Variants in CSMD1 observed in about 807,000 individuals in gnomAD.
The protein encoded by CSMD1 is CUB and Sushi multiple domains 1.
CSMD1 carries 213 observed loss-of-function variants against 417.5 expected under a neutral mutation model. The observed-to-expected ratio is 0.51, with a 90% CI of 0.46 to 0.57. The LOEUF (loss-of-function observed/expected upper bound fraction) is 0.57, where lower values mean the gene tolerates loss of function less well. Ranked by LOEUF, CSMD1 falls within the 20% of genes least tolerant of loss-of-function variation. The pLI, the probability that CSMD1 is intolerant of heterozygous loss-of-function variation, is 0.00. For missense variants in CSMD1, 6,923 were observed against 4,529.7 expected (o/e 1.53, Z -15.17); for synonymous variants, 2,862 against 1,736.8 (o/e 1.65, Z -16.11).
At chr8:4,778,174 T>G (rs1796966131) in intron 1 of CSMD1, among the ~76,000 whole-genome samples, 1 of 152,174 alleles carries the variant, frequency 6.6e-6, no homozygotes, top group East Asian at 1.9e-4. Flanking sequence ...AAATATGTCA[T>G]AAAATTTTCC....
chr8:4,478,385 G>C (rs1268170873), intron 2 of CSMD1, among the ~76,000 whole-genome samples: 1 of 152,068 alleles, frequency 6.6e-6, no homozygotes, highest in Non-Finnish European at 1.5e-5. Flanking sequence ...AAACACACAA[G>C]TCCAAAGTAT....
At chr8:3,923,063 G>C (rs1281777329) in intron 5 of CSMD1, among the ~76,000 whole-genome samples, 1 of 152,106 alleles carries the variant, frequency 6.6e-6, no homozygotes, top group Non-Finnish European at 1.5e-5. Context: ...TGACCCTTTT[G>C]TGTTCCTGGA....
chr8:3,211,865 C>T (rs1797629409), intron 30 of CSMD1, among the ~76,000 whole-genome samples: 2 of 152,228 alleles, frequency 1.3e-5, no homozygotes, highest in Non-Finnish European at 2.9e-5. Flanking sequence ...CACTGGCATG[C>T]ACTGCCCAGG....
intron 57 of CSMD1, among the ~76,000 whole-genome samples, chr8:2,972,334 TCATA>T (rs1804531281): frequency 6.6e-6 from 1 of 152,218 alleles, no homozygotes; most frequent in Non-Finnish European, 1.5e-5. Context: ...GGAAAGTGTT[TCATA>T]CATACAACAA....
At chr8:4,356,004 C>T (rs1036361429) in intron 3 of CSMD1, among the ~76,000 whole-genome samples, 2 of 152,026 alleles carry the variant, frequency 1.3e-5, no homozygotes, top group Admixed American at 1.3e-4. Flanking sequence ...GTACATGTGG[C>T]ATTTGGTTAC....
At chr8:4,964,316 C>G (rs368687212) in intron 1 of CSMD1, among the ~76,000 whole-genome samples, 19 of 151,638 alleles carry the variant, frequency 1.3e-4, no homozygotes, top group African/African-American at 4.4e-4. Flanking sequence ...AAGTTCAACA[C>G]CAGCAGGGCA....
chr8:4,774,318 T>C (rs994043727), intron 1 of CSMD1, among the ~76,000 whole-genome samples: 1 of 152,164 alleles, frequency 6.6e-6, no homozygotes, highest in East Asian at 1.9e-4. Context: ...GTTATAGTAA[T>C]TGAGGGCAGG....
At chr8:4,403,864 T>C (rs1251660005) in intron 3 of CSMD1, among the ~76,000 whole-genome samples, 1 of 152,106 alleles carries the variant, frequency 6.6e-6, no homozygotes, top group Non-Finnish European at 1.5e-5. Flanking sequence ...TACATTTAAC[T>C]TGCCTAAAAA....
intron 3 of CSMD1, among the ~76,000 whole-genome samples, chr8:4,396,056 G>C (rs989103749): frequency 2.0e-5 from 3 of 152,082 alleles, no homozygotes; most frequent in Admixed American, 6.6e-5. Flanking sequence ...TATAATGTTG[G>C]CATGCATCAC....
At chr8:4,483,258 G>A (rs542380493) in intron 2 of CSMD1, among the ~76,000 whole-genome samples, 2 of 152,144 alleles carry the variant, frequency 1.3e-5, no homozygotes, top group Non-Finnish European at 2.9e-5. Context: ...GGCCTCCCCA[G>A]CCATGTGGAA....
chr8:4,908,023 ACTTTT>A (rs139428413), intron 1 of CSMD1, among the ~76,000 whole-genome samples: 2,199 of 152,246 alleles, frequency 0.014, 57 homozygotes, highest in African/African-American at 0.051. Context: ...TAAAATAATT[ACTTTT>A]CTTCTGTGGA....
intron 54 of CSMD1, among the ~76,000 whole-genome samples, chr8:2,981,952 T>A (rs1190345594): frequency 5.9e-5 from 9 of 152,148 alleles, no homozygotes; most frequent in Admixed American, 5.9e-4. Flanking sequence ...CAGCTGGAAA[T>A]CTTAGCCCTC....
intron 26 of CSMD1, among the ~76,000 whole-genome samples, chr8:3,231,967 ACT>A (rs1022637043): frequency 2.0e-5 from 3 of 152,070 alleles, no homozygotes; most frequent in Admixed American, 6.5e-5. Context: ...TGTCTTCACC[ACT>A]CTCTTTCTCT....
chr8:4,948,542 A>G (rs1477397772), intron 1 of CSMD1, among the ~76,000 whole-genome samples: 1 of 152,056 alleles, frequency 6.6e-6, no homozygotes, highest in Non-Finnish European at 1.5e-5. Flanking sequence ...CTGGTTTTGT[A>G]AATCTGCTAG....
chr8:4,398,446 C>T (rs562544335), intron 3 of CSMD1, among the ~76,000 whole-genome samples: 88 of 128,976 alleles, frequency 6.8e-4, no homozygotes, highest in Non-Finnish European at 1.0e-3. Flanking sequence ...CAGGCTGGAG[C>T]GCAGTGGTGC....
At chr8:4,470,761 G>A (rs371237832) in intron 2 of CSMD1, among the ~76,000 whole-genome samples, 3 of 152,192 alleles carry the variant, frequency 2.0e-5, no homozygotes. Context: ...GACTTAATTG[G>A]ACCCAGATTA....
chr8:3,300,215 G>T (rs1164071993), intron 25 of CSMD1, among the ~76,000 whole-genome samples: 2 of 151,606 alleles, frequency 1.3e-5, no homozygotes, highest in African/African-American at 4.8e-5. Context: ...AGAATAACAT[G>T]GCGTAAAAAA....
At chr8:3,727,705 G>A (rs547739323) in intron 6 of CSMD1, among the ~76,000 whole-genome samples, 8 of 152,202 alleles carry the variant, frequency 5.3e-5, no homozygotes, top group South Asian at 2.1e-4. Context: ...ACCAAGGAGG[G>A]GCAGAAAGAC....
chr8:3,643,696 G>C (rs1797428053), intron 7 of CSMD1, among the ~76,000 whole-genome samples: 1 of 65,172 alleles, frequency 1.5e-5, no homozygotes, highest in Non-Finnish European at 2.6e-5. Flanking sequence ...GTGAGACTCC[G>C]TCTCAAAAAA....
Sources: gnomAD v4.1 joint callset for allele counts (sites outside exome capture counted in the v4.1 genomes callset) on GRCh38, gnomAD v4.1.1 for gene constraint, MANE v1.5 for transcripts, NCBI Gene and HGNC (gene_info 2026-07-23, HGNC 2026-07-21) for gene names.